LHFPL3: variants seen among roughly 807,000 people sequenced by gnomAD.
The protein encoded by LHFPL3 is LHFPL tetraspan subfamily member 3 protein.
Under a neutral mutation model 19.3 loss-of-function variants are expected in LHFPL3, and 5 were observed. The observed-to-expected ratio is 0.26, with a 90% confidence interval of 0.14 to 0.54. The LOEUF (loss-of-function observed/expected upper bound fraction) is 0.54. Ranked by LOEUF, LHFPL3 falls within the 20% of genes least tolerant of loss-of-function variation. The probability of loss-of-function intolerance (pLI) is 0.94; values close to 1 mark genes in which losing one functional copy is unlikely to be tolerated. For synonymous variants in LHFPL3, 133 were observed against 126.2 expected (o/e 1.05, Z -0.36); for missense variants, 249 against 307.4 (o/e 0.81, Z 1.42).
chr7:104,664,369 T>C (rs963544904), intron 1 of LHFPL3, among the ~76,000 whole-genome samples: 2 of 152,226 alleles, frequency 1.3e-5, no homozygotes, highest in Admixed American at 1.3e-4. Context: ...TAATACAAAT[T>C]TTTTAATTAA....
intron 1 of LHFPL3, among the ~76,000 whole-genome samples, chr7:104,352,603 C>G (rs902504248): frequency 6.6e-6 from 1 of 152,240 alleles, no homozygotes; most frequent in East Asian, 1.9e-4. Flanking sequence ...CCTAATGTAC[C>G]CTGCAAATTG....
At chr7:104,536,590 T>A (rs1794393018) in intron 1 of LHFPL3, among the ~76,000 whole-genome samples, 1 of 152,212 alleles carries the variant, frequency 6.6e-6, no homozygotes, top group Non-Finnish European at 1.5e-5. Context: ...CGATCTAATC[T>A]TCTGTGATCT....
intron 2 of LHFPL3, among the ~76,000 whole-genome samples, chr7:104,818,289 G>T (rs1046538220): frequency 6.6e-6 from 1 of 151,824 alleles, no homozygotes; most frequent in African/African-American, 2.4e-5. Context: ...AATCAACATG[G>T]GCAGGAAGTT....
chr7:104,687,373 T>C (rs1316640464), intron 1 of LHFPL3, among the ~76,000 whole-genome samples: 1 of 152,176 alleles, frequency 6.6e-6, no homozygotes, highest in African/African-American at 2.4e-5. Context: ...CTTTTTGGGT[T>C]TTTATAGAGG....
At chr7:104,495,404 G>C (rs1793443935) in intron 1 of LHFPL3, among the ~76,000 whole-genome samples, 2 of 151,980 alleles carry the variant, frequency 1.3e-5, no homozygotes, top group Admixed American at 1.3e-4. Context: ...TCTTTTTTGA[G>C]ACGGAGTCTT....
At chr7:104,806,037 T>C (rs1790355364) in intron 2 of LHFPL3, among the ~76,000 whole-genome samples, 1 of 152,230 alleles carries the variant, frequency 6.6e-6, no homozygotes, top group South Asian at 2.1e-4. Flanking sequence ...TAAAGCCTGC[T>C]GCAGGCCGTG....
chr7:104,861,199 G>T (rs886348395), intron 2 of LHFPL3, among the ~76,000 whole-genome samples: 3 of 152,242 alleles, frequency 2.0e-5, no homozygotes, highest in Middle Eastern at 3.4e-3. Flanking sequence ...GAAAGGGAGT[G>T]ATTAAAGACA....
At chr7:104,832,209 C>A (rs547580762) in intron 2 of LHFPL3, among the ~76,000 whole-genome samples, 1 of 152,016 alleles carries the variant, frequency 6.6e-6, no homozygotes, top group African/African-American at 2.4e-5. Context: ...GGATAATTGT[C>A]ATTGTCCCTT....
At chr7:104,689,600 T>C (rs1792870202) in intron 1 of LHFPL3, among the ~76,000 whole-genome samples, 1 of 152,178 alleles carries the variant, frequency 6.6e-6, no homozygotes, top group African/African-American at 2.4e-5. Context: ...ACTGACAATT[T>C]ATACTGTTAA....
intron 1 of LHFPL3, among the ~76,000 whole-genome samples, chr7:104,683,362 A>G (rs1041474190): frequency 2.0e-5 from 3 of 152,212 alleles, no homozygotes; most frequent in Admixed American, 6.5e-5. Context: ...ACACTTGCCC[A>G]CATTGTGTAA....
At chr7:104,771,401 T>G (rs750016549) in intron 2 of LHFPL3, among the ~76,000 whole-genome samples, 50 of 152,184 alleles carry the variant, frequency 3.3e-4, no homozygotes, top group Middle Eastern at 3.2e-3. Context: ...TTCTCATGAT[T>G]TGTTCATGTC....
chr7:104,885,785 T>G (rs1792135774), intron 2 of LHFPL3, among the ~76,000 whole-genome samples: 2 of 151,536 alleles, frequency 1.3e-5, no homozygotes, highest in African/African-American at 4.8e-5. Context: ...CCTCCCCTTC[T>G]CCCCACCCTT....
At chr7:104,562,091 C>A (rs2115952308) in intron 1 of LHFPL3, among the ~76,000 whole-genome samples, 1 of 151,926 alleles carries the variant, frequency 6.6e-6, no homozygotes, top group East Asian at 1.9e-4. Context: ...GGTAACCCGA[C>A]CTTTCTCTCT....
At chr7:104,692,351 C>T (rs1792920761) in intron 1 of LHFPL3, among the ~76,000 whole-genome samples, 1 of 152,238 alleles carries the variant, frequency 6.6e-6, no homozygotes, top group Non-Finnish European at 1.5e-5. Context: ...ATGTTAATCA[C>T]CAAGACAATG....
Position 104,430,379 on chromosome 7 carries a change from TATAC to T in LHFPL3, c.445+101159_445+101162del, listed in dbSNP as rs1258664266. ...ATTTGCATTTCTGTGGGTATATATA[TATAC>T]ATATATATATATATATATATACATA... On this transcript the variant is annotated intron_variant, in intron 1 of 2. Transcript: ENST00000424859. 8.7e-4 allele frequency among the ~76,000 whole-genome samples: 42 copies of T among 48,278 alleles called. 3 individuals carry two copies. The highest frequency in any genetic ancestry group is 4.1e-3 in the African/African-American group (27 of 6,626). 31.7% of individuals were successfully genotyped at this position (48,278 alleles called of 152,430 possible). A position where few individuals can be genotyped will look rare whatever the true frequency, so the allele number is the denominator to read the frequency against.
intron 1 of LHFPL3, among the ~76,000 whole-genome samples, chr7:104,636,800 G>T (rs998913633): frequency 6.6e-6 from 1 of 152,138 alleles, no homozygotes; most frequent in African/African-American, 2.4e-5. Context: ...GGATGTTTAG[G>T]TTGATTCCAT....
At chr7:104,854,295 C>T (rs1791461821) in intron 2 of LHFPL3, among the ~76,000 whole-genome samples, 1 of 152,166 alleles carries the variant, frequency 6.6e-6, no homozygotes, top group Admixed American at 6.5e-5. Context: ...TATTTGAGTG[C>T]ATTCTTCATT....
chr7:104,509,738 C>T (rs1793774450), intron 1 of LHFPL3, among the ~76,000 whole-genome samples: 1 of 151,676 alleles, frequency 6.6e-6, no homozygotes, highest in Admixed American at 6.6e-5. Context: ...GTAACTGGTA[C>T]AATAAGGCAA....
chr7:104,643,963 T>C (rs1268065762), intron 1 of LHFPL3, among the ~76,000 whole-genome samples: 1 of 152,208 alleles, frequency 6.6e-6, no homozygotes, highest in Non-Finnish European at 1.5e-5. Context: ...GATAAGCTAA[T>C]GTAGTTCAAA....
Sources: allele counts gnomAD v4.1 joint callset (sites outside exome capture counted in the v4.1 genomes callset), GRCh38; gene constraint gnomAD v4.1.1; transcripts MANE v1.5; gene names NCBI Gene and HGNC (gene_info 2026-07-23, HGNC 2026-07-21).